The following FAIM2 variants were observed in gnomAD, a reference collection of about 807,000 sequenced individuals.
FAIM2 encodes Fas apoptotic inhibitory molecule 2, also known as protein lifeguard 2.
A neutral mutation model predicts 47.4 loss-of-function variants in FAIM2; 27 were observed. The observed-to-expected ratio is 0.57, with a 90% CI of 0.42 to 0.78. The LOEUF is 0.78. Among genes scored for constraint, FAIM2 ranks in the 30% least tolerant of loss-of-function variants. The probability of loss-of-function intolerance (pLI) is 0.00; values close to 1 mark genes in which losing one functional copy is unlikely to be tolerated. For synonymous variants in FAIM2, 156 were observed against 159.3 expected, an observed-to-expected ratio of 0.98 and a Z score of 0.16; for missense variants, 311 against 389.4, an observed-to-expected ratio of 0.80 and a Z score of 1.69.
At chr12:49,879,876 A>G (rs1946793953) in intron 11 of FAIM2, among the ~76,000 whole-genome samples, 1 of 116,608 alleles carries the variant, frequency 8.6e-6, no homozygotes, top group Non-Finnish European at 1.9e-5. Flanking sequence ...ATGTACGTGT[A>G]TGTGTATGTG....
At chr12:49,885,138 C>T (rs1202614388) in intron 11 of FAIM2, among the ~76,000 whole-genome samples, 2 of 152,194 alleles carry the variant, frequency 1.3e-5, no homozygotes, top group Non-Finnish European at 2.9e-5. Flanking sequence ...AAGGGTGGAA[C>T]AGAGGATGGG....
rs1205842621 is a variant in FAIM2, at chr12:49,897,400, C to T, written c.380+119G>A. On this transcript the variant is annotated intron_variant, in intron 4 of 11. Transcript: ENST00000320634. The stretch of plus-strand genomic sequence containing the variant: ...GGTTCTTTCCCAGCAGGAGGAGGCC[C>T]ACTGCCCCACAGGCATCTCTCCAGG... 3.2e-6 allele frequency: 3 copies of T among 934,394 alleles called. No individual in the cohort carries two copies. The Admixed American group carries it at 6.2e-5, about 19-fold the overall frequency. 57.9% of individuals were successfully genotyped at this position (934,394 alleles called of 1,614,324 possible).
At chr12:49,879,631 T>C (rs895475837) in intron 11 of FAIM2, among the ~76,000 whole-genome samples, 2 of 151,776 alleles carry the variant, frequency 1.3e-5, no homozygotes, top group African/African-American at 4.8e-5. Flanking sequence ...TGTGTATATG[T>C]GCGTGTATGT....
chr12:49,880,965 G>T (rs1483575928), intron 11 of FAIM2, among the ~76,000 whole-genome samples: 1 of 152,028 alleles, frequency 6.6e-6, no homozygotes, highest in Non-Finnish European at 1.5e-5. Context: ...CCTCAGGCTG[G>T]TCCCTGCCAG....
At chr12:49,892,400 G>C (rs115658395) in intron 5 of FAIM2, among the ~76,000 whole-genome samples, 2 of 152,022 alleles carry the variant, frequency 1.3e-5, no homozygotes, top group African/African-American at 4.8e-5. Context: ...TTGCAGCCAC[G>C]CTTCTTGAAA....
chr12:49,892,472 G>C (rs1378291708), intron 5 of FAIM2, among the ~76,000 whole-genome samples: 4 of 152,158 alleles, frequency 2.6e-5, no homozygotes, highest in African/African-American at 9.7e-5. Flanking sequence ...CACAGTCTCA[G>C]CACTACTCAA....
intron 5 of FAIM2, among the ~76,000 whole-genome samples, chr12:49,895,959 A>G (rs1262447575): frequency 2.6e-5 from 4 of 152,242 alleles, no homozygotes. Flanking sequence ...GAGAAGTCCC[A>G]GTTTACCAAA....
At chr12:49,878,140 ATGTGAGTGTGTG>A (rs1277323399) in intron 11 of FAIM2, among the ~76,000 whole-genome samples, 1 of 117,712 alleles carries the variant, frequency 8.5e-6, no homozygotes, top group Non-Finnish European at 1.7e-5. Flanking sequence ...GTGAGTGTGC[ATGTGAGTGTGTG>A]TATGAGTGTA....
intron 2 of FAIM2, among the ~76,000 whole-genome samples, chr12:49,899,451 C>A (rs151328884): frequency 1.3e-5 from 2 of 152,316 alleles, no homozygotes; most frequent in African/African-American, 4.8e-5. Flanking sequence ...AAAGCCTCCG[C>A]GGCCTCCCTG....
chr12:49,896,839 C>T (rs574716554), intron 5 of FAIM2, among the ~76,000 whole-genome samples, 192 bp downstream of exon 5: 1 of 152,258 alleles, frequency 6.6e-6, no homozygotes, highest in African/African-American at 2.4e-5. Flanking sequence ...AGATGTAATG[C>T]CCCAGAAAGG....
intron 3 of FAIM2, 70 bp downstream of exon 3, chr12:49,897,917 G>A: frequency 2.5e-6 from 3 of 1,190,306 alleles, no homozygotes; most frequent in East Asian, 4.7e-5. Flanking sequence ...GCAGAGGGTT[G>A]GGCCAGGGAC....
chr12:49,879,785 T>C (rs1338505810), intron 11 of FAIM2, among the ~76,000 whole-genome samples: 1 of 151,280 alleles, frequency 6.6e-6, no homozygotes, highest in Non-Finnish European at 1.5e-5. Flanking sequence ...TATATGTGCA[T>C]GTGTGTATGT....
intron 11 of FAIM2, among the ~76,000 whole-genome samples, chr12:49,886,324 G>T (rs963864736): frequency 1.3e-5 from 2 of 152,084 alleles, no homozygotes; most frequent in Admixed American, 6.6e-5. Context: ...ATCTGCTTCC[G>T]GCCACTCCCC....
At chr12:49,880,741 T>TGTGC (rs1946817654) in intron 11 of FAIM2, among the ~76,000 whole-genome samples, 4 of 151,958 alleles carry the variant, frequency 2.6e-5, no homozygotes, top group African/African-American at 7.3e-5. Flanking sequence ...TGTGTATGTG[T>TGTGC]GCATGTGTGT....
intron 1 of FAIM2, 130 bp from the exon 2 acceptor site, chr12:49,901,455 T>C: frequency 1.5e-6 from 1 of 663,910 alleles, no homozygotes; most frequent in Non-Finnish European, 2.4e-6. Context: ...AAGCCAGGAA[T>C]GCAGACAAGA....
chr12:49,895,367 G>A (rs535086428), intron 5 of FAIM2, among the ~76,000 whole-genome samples: 27 of 151,436 alleles, frequency 1.8e-4, no homozygotes, highest in African/African-American at 5.8e-4. Context: ...TCCACCTCCC[G>A]GGCCTACTCA....
chr12:49,895,995 G>A (rs1946934172), intron 5 of FAIM2, among the ~76,000 whole-genome samples: 1 of 152,210 alleles, frequency 6.6e-6, no homozygotes, highest in Non-Finnish European at 1.5e-5. Context: ...CTCGCCCCAC[G>A]CTTTTGCTTA....
intron 11 of FAIM2, among the ~76,000 whole-genome samples, chr12:49,873,969 T>C (rs932572598): frequency 3.3e-5 from 5 of 152,378 alleles, no homozygotes; most frequent in African/African-American, 1.2e-4. Flanking sequence ...AGATTCTGCA[T>C]GGCAGTGCAT....
chr12:49,903,808 G>C lies in FAIM2; in HGVS notation c.-16C>G. ...CCTGGGTCATGGTGCCGTCTCTCGG[G>C]GAAGGGGTCCCTGAGGCCCGGGTGG... On this transcript the variant is annotated 5_prime_UTR_variant, in exon 1 of 12. Transcript: ENST00000320634. 1.3e-6 allele frequency: 2 copies of C among 1,540,200 alleles called. No homozygotes were observed. Among genetic ancestry groups the C allele is most frequent in the Non-Finnish European group, 1.8e-6 (2 of 1,141,852 alleles).
Sources: allele counts gnomAD v4.1 joint callset (sites outside exome capture counted in the v4.1 genomes callset), GRCh38; gene constraint gnomAD v4.1.1; transcripts MANE v1.5; gene names NCBI Gene and HGNC (gene_info 2026-07-23, HGNC 2026-07-21).